The following TAF4 variants were observed in gnomAD, a reference collection of about 807,000 sequenced individuals.
TAF4 encodes the protein TATA-box binding protein associated factor 4.
In TAF4, 9 loss-of-function variants were observed where a neutral mutation model predicts 90.3. The observed-to-expected ratio is 0.10, with a 90% CI of 0.06 to 0.17. TAF4 has a LOEUF of 0.17. Ranked by LOEUF, TAF4 falls within the 10% of genes least tolerant of loss-of-function variation. TAF4 has a pLI of 1.00. For missense variants in TAF4, 1,351 were observed against 1,370.7 expected (o/e 0.99, Z 0.23); for synonymous variants, 818 against 638.9 (o/e 1.28, Z -4.23).
intron 1 of TAF4, among the ~76,000 whole-genome samples, chr20:62,047,925 G>A (rs1165743960): frequency 7.2e-5 from 11 of 152,170 alleles, no homozygotes; most frequent in Admixed American, 5.9e-4. Flanking sequence ...AAACACGGGC[G>A]CTGCCTGACA....
Position 61,975,083 on chromosome 20 carries a change from G to A in TAF4, c.*1085C>T, listed in dbSNP as rs2055484717. ...CACGGAGAAAGCCAGAGTATTTACA[G>A]TCATAAAAGTACTATCAATAGACAA... On this transcript the variant is annotated 3_prime_UTR_variant, in exon 15 of 15. Coordinates refer to ENST00000252996, the MANE Select transcript of TAF4 (RefSeq NM_003185.4). 6.6e-6 allele frequency: 1 copy of A among 152,308 alleles called. No homozygotes were observed. The highest frequency in any genetic ancestry group is 2.1e-4 in the South Asian group (1 of 4,814). 9.4% of individuals were successfully genotyped at this position (152,308 alleles called of 1,614,324 possible).
intron 1 of TAF4, among the ~76,000 whole-genome samples, chr20:62,045,002 GAGA>G (rs1278100788): frequency 6.6e-6 from 1 of 152,224 alleles, no homozygotes; most frequent in East Asian, 1.9e-4. Context: ...AGCCCAGGGG[GAGA>G]AAAGAGGCCA....
At chr20:62,053,368 C>G (rs966866683) in intron 1 of TAF4, among the ~76,000 whole-genome samples, 12 of 152,312 alleles carry the variant, frequency 7.9e-5, no homozygotes, top group African/African-American at 2.9e-4. Context: ...TGCCCTGTGA[C>G]GAGCTCCCGG....
chr20:62,012,770 TC>T, intron 3 of TAF4, 44 bp downstream of exon 3: 1 of 1,565,128 alleles, frequency 6.4e-7, no homozygotes, highest in South Asian at 1.2e-5. Flanking sequence ...AAATCACACT[TC>T]GTGGCCCCTG....
At chr20:62,056,653 G>C (rs1171274344) in intron 1 of TAF4, among the ~76,000 whole-genome samples, 1 of 152,094 alleles carries the variant, frequency 6.6e-6, no homozygotes, top group Non-Finnish European at 1.5e-5. Flanking sequence ...GGTCACAGGA[G>C]AACTGTAATT....
At chr20:62,052,922 C>T (rs528500054) in intron 1 of TAF4, among the ~76,000 whole-genome samples, 1 of 151,522 alleles carries the variant, frequency 6.6e-6, no homozygotes, top group Non-Finnish European at 1.5e-5. Flanking sequence ...CTCACACCAC[C>T]CCACAAAACG....
chr20:62,002,075 C>G (rs1213982600), intron 9 of TAF4, among the ~76,000 whole-genome samples: 4 of 152,214 alleles, frequency 2.6e-5, no homozygotes, highest in African/African-American at 9.7e-5. Context: ...AGGGGTCACT[C>G]TCCTTTATCC....
chr20:62,040,123 T>A (rs2055955509), intron 1 of TAF4, among the ~76,000 whole-genome samples: 3 of 152,230 alleles, frequency 2.0e-5, no homozygotes, highest in Admixed American at 6.5e-5. Flanking sequence ...CCCCTAGTTA[T>A]CTACCCAAGA....
At chr20:62,003,683 G>A (rs978415957) in intron 8 of TAF4, 48 bp downstream of exon 8, 129 of 1,511,552 alleles carry the variant, frequency 8.5e-5, no homozygotes, top group Non-Finnish European at 1.1e-4. Flanking sequence ...AGCTGGCTCT[G>A]GGAGCAGCCC....
chr20:62,031,747 CAT>C (rs1415985489), intron 1 of TAF4, among the ~76,000 whole-genome samples: 2 of 152,336 alleles, frequency 1.3e-5, no homozygotes, highest in African/African-American at 2.4e-5. Flanking sequence ...AGAGTAAGCA[CAT>C]GTGTCAACAA....
At chr20:61,978,690 C>CGGGGGCGAGACCAACCAAGGGA (rs1568919088) in intron 14 of TAF4, among the ~76,000 whole-genome samples, 8 of 113,662 alleles carry the variant, frequency 7.0e-5, no homozygotes, top group East Asian at 3.1e-4. Flanking sequence ...CAACCAAGGC[C>CGGGGGCGAGACCAACCAAGGGA]GGGGGCGAGA....
intron 3 of TAF4, chr20:62,012,324 G>A (rs937044014): frequency 1.3e-5 from 2 of 152,534 alleles, no homozygotes; most frequent in Admixed American, 6.5e-5. Context: ...ACCACGAGAT[G>A]AAGGGAGCGA....
chr20:62,053,584 C>G (rs973632075), intron 1 of TAF4, among the ~76,000 whole-genome samples: 1 of 152,224 alleles, frequency 6.6e-6, no homozygotes. Flanking sequence ...TCCACGCCGA[C>G]CTGCAGCACT....
At chr20:61,983,102 C>G (rs1029462538) in intron 14 of TAF4, among the ~76,000 whole-genome samples, 1 of 152,116 alleles carries the variant, frequency 6.6e-6, no homozygotes, top group Non-Finnish European at 1.5e-5. Flanking sequence ...TGTGGAGGTC[C>G]TGTCACCAAA....
chr20:62,002,023 C>T (rs977600240), intron 9 of TAF4, among the ~76,000 whole-genome samples: 1 of 152,228 alleles, frequency 6.6e-6, no homozygotes, highest in African/African-American at 2.4e-5. Flanking sequence ...CACACTGAAA[C>T]CCAGGGGTTT....
intron 1 of TAF4, among the ~76,000 whole-genome samples, chr20:62,027,196 G>A (rs1369053444): frequency 6.6e-6 from 1 of 152,188 alleles, no homozygotes; most frequent in Non-Finnish European, 1.5e-5. Flanking sequence ...GCCCAGTGCA[G>A]AAACCTGGAG....
intron 2 of TAF4, among the ~76,000 whole-genome samples, chr20:62,013,395 T>C (rs2055791093): frequency 6.6e-6 from 1 of 152,146 alleles, no homozygotes; most frequent in East Asian, 1.9e-4. Context: ...CCTGAGCCCA[T>C]GAAGTTTGTC....
At chr20:62,046,947 C>A (rs761285944) in intron 1 of TAF4, among the ~76,000 whole-genome samples, 1 of 152,214 alleles carries the variant, frequency 6.6e-6, no homozygotes, top group Non-Finnish European at 1.5e-5. Context: ...GAGTTCTTTA[C>A]GTACTCTGGA....
chr20:62,031,687 A>G (rs1459983742), intron 1 of TAF4, among the ~76,000 whole-genome samples: 4 of 152,050 alleles, frequency 2.6e-5, no homozygotes, highest in South Asian at 2.1e-4. Context: ...CTCATTAATC[A>G]TATCTTCTTG....
Sources: allele counts gnomAD v4.1 joint callset (sites outside exome capture counted in the v4.1 genomes callset), GRCh38; gene constraint gnomAD v4.1.1; transcripts MANE v1.5; gene names NCBI Gene and HGNC (gene_info 2026-07-23, HGNC 2026-07-21).